PPP1R9A: variants seen among roughly 807,000 people sequenced by gnomAD.
PPP1R9A encodes the protein neurabin-1.
In PPP1R9A, 59 loss-of-function variants were observed where a neutral mutation model predicts 141.9. That is an observed-to-expected ratio of 0.42 (90% CI 0.34 to 0.52). The LOEUF (loss-of-function observed/expected upper bound fraction) is 0.52, where lower values mean the gene tolerates loss of function less well. PPP1R9A is among the 20% of genes least tolerant of loss of function. The probability of loss-of-function intolerance (pLI) is 0.10; values close to 1 mark genes in which losing one functional copy is unlikely to be tolerated. For synonymous variants in PPP1R9A, 500 were observed against 569.7 expected, an observed-to-expected ratio of 0.88 and a Z score of 1.74; for missense variants, 1,444 against 1,611.9, an observed-to-expected ratio of 0.90 and a Z score of 1.78.
intron 2 of PPP1R9A, among the ~76,000 whole-genome samples, chr7:94,935,432 C>G (rs541953921): frequency 2.0e-5 from 3 of 152,268 alleles, no homozygotes; most frequent in African/African-American, 7.2e-5. Flanking sequence ...GTTTGGGAAA[C>G]TTCATACCAT....
rs1299005656 is a variant in PPP1R9A at position 94,910,583 on chromosome 7, A to G, written c.470A>G (p.Asn157Ser). The G allele has an allele frequency of 6.8e-6, 11 of 1,614,192 alleles. No individual in the cohort carries two copies. Among genetic ancestry groups the G allele is most frequent in the Non-Finnish European group, 8.5e-6 (10 of 1,180,024 alleles). Residue 157 changes from asparagine to serine, a missense_variant, in exon 2 of 20, where the codon AAC becomes AGC. By Grantham distance (46) the Asn-to-Ser change is conservative. Transcript: ENST00000433360. The surrounding 1 kb of genome is among the most constrained non-coding windows in gnomAD (Gnocchi z 4.5). ...ERSVHESGQN[N>S]RYSPKKEKAG... is the part of the protein sequence containing the mutation. ...AGTGTGCATGAATCAGGACAGAACAACCGCTATTCCCCAAAGAAAGAGAAA... is the reference window on the plus strand; with the variant it reads ...AGTGTGCATGAATCAGGACAGAACAGCCGCTATTCCCCAAAGAAAGAGAAA...
chr7:95,243,529 G>T (rs1233207984), intron 8 of PPP1R9A, among the ~76,000 whole-genome samples: 1 of 152,092 alleles, frequency 6.6e-6, no homozygotes, highest in Non-Finnish European at 1.5e-5. Context: ...ATGGTTTCCA[G>T]TTGGAGTAAT....
intron 4 of PPP1R9A, among the ~76,000 whole-genome samples, chr7:95,146,201 G>A (rs1052057960): frequency 3.9e-5 from 6 of 152,120 alleles, no homozygotes; most frequent in Non-Finnish European, 5.9e-5. Flanking sequence ...TCTTACTGGC[G>A]TGAGATGGTA....
intron 7 of PPP1R9A, among the ~76,000 whole-genome samples, chr7:95,220,438 G>A (rs753721610): frequency 1.3e-5 from 2 of 152,030 alleles, no homozygotes; most frequent in African/African-American, 2.4e-5. Context: ...CATTGCTACA[G>A]CAAAAATTAC....
At chr7:95,146,471 C>A (rs1827637897) in intron 4 of PPP1R9A, among the ~76,000 whole-genome samples, 1 of 152,142 alleles carries the variant, frequency 6.6e-6, no homozygotes, top group East Asian at 1.9e-4. Flanking sequence ...ATGATAGTTT[C>A]TTTTGCTGTG....
chr7:95,092,736 A>T (rs1189331175), intron 2 of PPP1R9A, among the ~76,000 whole-genome samples: 2 of 152,230 alleles, frequency 1.3e-5, no homozygotes, highest in African/African-American at 4.8e-5. Context: ...TAACAAATGA[A>T]ATGCGGCATA....
rs1796846346 is a variant in PPP1R9A, at chr7:94,954,454, CTA to C, written c.1395+42950_1395+42951del. 2.0e-5 allele frequency among the ~76,000 whole-genome samples: 3 copies of C among 151,920 alleles called. No homozygotes were observed. The South Asian group carries it at 6.2e-4, about 32-fold the overall frequency. On this transcript the variant is annotated intron_variant, in intron 2 of 19. Transcript: ENST00000433360. ...GCCATTTCCTTATTTCTACTTAAGT[CTA>C]TATGTTGGATGCAAATATAGCTAAA...
At position 95,273,923 on chromosome 7, in the gene PPP1R9A, T is replaced by C. The variant is rs748515965; in HGVS notation, c.3149T>C (p.Leu1050Pro). ...EKDDAKDPKS[L>P]RASSSLAVQG... ...GATGATGCCAAAGATCCCAAATCAC[T>C]AAGGGCATCCAGTTCATTGGCGGTG... Residue 1050 changes from leucine (L) to proline (P), a missense_variant, in exon 15 of 20, where the codon CTA becomes CCA. Around this residue, in one of 5 missense-constraint regions of PPP1R9A, gnomAD observed 459 missense variants for 513.8 expected, o/e 0.89. Coordinates refer to ENST00000433360, the MANE Select transcript of PPP1R9A (RefSeq NM_001166160.2). 2.7e-6 allele frequency: 4 copies of C among 1,504,662 alleles called. No individual in the cohort carries two copies. The highest frequency in any genetic ancestry group is 3.7e-6 in the Non-Finnish European group (4 of 1,095,092). 93.2% of individuals were successfully genotyped at this position (1,504,662 alleles called of 1,614,324 possible).
At chr7:94,962,363 T>C (rs1797731814) in intron 2 of PPP1R9A, among the ~76,000 whole-genome samples, 1 of 152,098 alleles carries the variant, frequency 6.6e-6, no homozygotes, top group East Asian at 1.9e-4. Flanking sequence ...AGTTCTCATA[T>C]ATTATTATAT....
At chr7:95,228,995 T>C (rs1795531823) in intron 8 of PPP1R9A, among the ~76,000 whole-genome samples, 1 of 152,090 alleles carries the variant, frequency 6.6e-6, no homozygotes, top group Non-Finnish European at 1.5e-5. Context: ...CTTAGTTCTT[T>C]GGGAGGCTGA....
chr7:94,967,932 G>C (rs1798398593), intron 2 of PPP1R9A, among the ~76,000 whole-genome samples: 1 of 152,130 alleles, frequency 6.6e-6, no homozygotes, highest in Admixed American at 6.5e-5. Flanking sequence ...AGGTCAACTT[G>C]GTCCAGAGCT....
chr7:94,958,493 TA>T (rs1797294510), intron 2 of PPP1R9A, among the ~76,000 whole-genome samples: 1 of 152,068 alleles, frequency 6.6e-6, no homozygotes, highest in South Asian at 2.1e-4. Context: ...AGTGAATGGG[TA>T]CATTTTCTTA....
At chr7:95,017,237 T>C (rs1170847078) in intron 2 of PPP1R9A, among the ~76,000 whole-genome samples, 1 of 152,070 alleles carries the variant, frequency 6.6e-6, no homozygotes, top group African/African-American at 2.4e-5. Flanking sequence ...TGGTACTCTC[T>C]GGGAAACTGA....
intron 9 of PPP1R9A, among the ~76,000 whole-genome samples, chr7:95,247,889 T>C (rs1306470544): frequency 3.9e-5 from 6 of 152,160 alleles, no homozygotes; most frequent in Non-Finnish European, 7.3e-5. Context: ...TATAAATAGA[T>C]TTAATCATTT....
At chr7:95,215,116 C>A in intron 7 of PPP1R9A, among the ~76,000 whole-genome samples, 1 of 96,504 alleles carries the variant, frequency 1.0e-5, no homozygotes, top group Non-Finnish European at 1.9e-5. Flanking sequence ...TGCTTTCCCT[C>A]CCCCCTCCCC....
rs1450984239 is a variant in PPP1R9A, at chr7:94,961,881, TA to T, written c.1395+50374del. Among the ~76,000 whole-genome samples, 4 of 151,938 alleles carry T rather than the reference TA, an allele frequency of 2.6e-5. No individual in the cohort carries two copies. In the East Asian group the frequency reaches 7.7e-4, roughly 29 times the overall value. ...ATGTCAGAGGGTGGTCATTTTGCCT[TA>T]TTTTTTTAATCAATATTGTTGACTA... On this transcript the variant is annotated intron_variant, in intron 2 of 19. Coordinates refer to ENST00000433360, the MANE Select transcript of PPP1R9A (RefSeq NM_001166160.2).
chr7:95,017,517 G>A (rs10265388), intron 2 of PPP1R9A, among the ~76,000 whole-genome samples: 139,022 of 152,136 alleles, frequency 0.91, 63,604 homozygotes, highest in East Asian at 1. Context: ...TAAAATACTT[G>A]GGTATAAACA....
chr7:95,125,243 G>A (rs914785464), intron 4 of PPP1R9A, among the ~76,000 whole-genome samples: 1 of 152,078 alleles, frequency 6.6e-6, no homozygotes, highest in Non-Finnish European at 1.5e-5. Context: ...AGCCTCCCAA[G>A]TAACTGGGAG....
At chr7:95,115,423 G>T (rs1256537871) in intron 3 of PPP1R9A, among the ~76,000 whole-genome samples, 1 of 152,138 alleles carries the variant, frequency 6.6e-6, no homozygotes, top group East Asian at 1.9e-4. Context: ...TGATTCTATT[G>T]TACCTTTAAA....
Sources: gnomAD v4.1 joint callset for allele counts (sites outside exome capture counted in the v4.1 genomes callset) on GRCh38, gnomAD v4.1.1 for gene constraint, gnomAD v4.1.1 regional missense constraint, Gnocchi (gnomAD v3.1) non-coding constraint, MANE v1.5 for transcripts, NCBI Gene and HGNC (gene_info 2026-07-23, HGNC 2026-07-21) for gene names.